The following HTT variants were observed in gnomAD, a reference collection of about 807,000 sequenced individuals.
HTT encodes huntingtin.
In HTT, 104 loss-of-function variants were observed where a neutral mutation model predicts 362.3. The ratio of observed to expected loss-of-function variants is 0.29; its 90% CI spans 0.24 to 0.34. The LOEUF (loss-of-function observed/expected upper bound fraction) is 0.34. Ranked by LOEUF, HTT falls within the 10% of genes least tolerant of loss-of-function variation. The pLI is 1.00. For synonymous variants in HTT, 1,577 were observed against 1,548.7 expected (o/e 1.02, Z -0.43); for missense variants, 3,301 against 3,928.6 (o/e 0.84, Z 4.27).
At chr4:3,075,206 G>A (rs1032623403) in intron 1 of HTT, 118 bp downstream of exon 1, 3 of 1,026,254 alleles carry the variant, frequency 2.9e-6, no homozygotes, top group Non-Finnish European at 3.7e-6. Context: ...CAGAGACAGA[G>A]TGACCCAGCA....
In HTT at chr4:3,242,303, C is replaced by T. The variant is rs1721839733; in HGVS notation, c.*2244C>T. On this transcript the variant is annotated 3_prime_UTR_variant, in exon 67 of 67. Transcript: ENST00000355072. ...AACACCCCGCTCTGGCAGTAGGTGT[C>T]CCCCACCCCCAAAGACCTGCCTGTG... is the stretch of plus-strand genomic sequence containing the variant. 1 of 152,208 alleles carries T rather than the reference C, an allele frequency of 6.6e-6. No homozygotes were observed. The highest frequency in any genetic ancestry group is 1.5e-5 in the Non-Finnish European group (1 of 68,048). 9.4% of individuals were successfully genotyped at this position (152,208 alleles called of 1,614,324 possible).
chr4:3,229,827 G>A (rs1202677998), intron 59 of HTT, 60 bp from the exon 60 acceptor site: 21 of 1,569,272 alleles, frequency 1.3e-5, no homozygotes, highest in South Asian at 7.8e-5. Flanking sequence ...TTCTGGATGC[G>A]TTGCCTGGAT....
intron 19 of HTT, 150 bp downstream of exon 19, chr4:3,134,690 G>T: frequency 3.1e-6 from 2 of 635,666 alleles, no homozygotes; most frequent in South Asian, 2.3e-5. Flanking sequence ...CCTCCCAGTG[G>T]CTTTTTGCTG....
chr4:3,220,213 G>A lies in HTT; in HGVS notation c.7274G>A (p.Gly2425Glu). 2 of 1,614,120 alleles carry A rather than the reference G, an allele frequency of 1.2e-6. No homozygotes were observed. The highest frequency in any genetic ancestry group is 1.7e-6 in the Non-Finnish European group (2 of 1,180,018). Reference protein sequence around the residue: ...VWKLGWSPKPGGDFGTAFPEI... With the variant: ...VWKLGWSPKPEGDFGTAFPEI... ...AAGCTTGGATGGTCACCCAAACCGG[G>A]AGGGGATTTTGGCACAGCATTCCCT... The change falls in exon 53 of 67, where the codon GGA becomes GAA. Residue 2425 changes from glycine to glutamate, a missense_variant. Gly to Glu is a moderately conservative substitution (Grantham distance 98, BLOSUM62 -2). Transcript: ENST00000355072.
rs550821802 is a variant in HTT at position 3,174,587 on chromosome 4, C to T, written c.4167-134C>T. On this transcript the variant is annotated intron_variant, in intron 31 of 66. Coordinates refer to ENST00000355072, the MANE Select transcript of HTT (RefSeq NM_001388492.1). ...GATGCTGCCACACTGAGTGGCCTTTCAAGTTGTTTCTCAATCTGACACGTT... is the reference window on the plus strand; with the variant it reads ...GATGCTGCCACACTGAGTGGCCTTTTAAGTTGTTTCTCAATCTGACACGTT... 3.2e-5 allele frequency: 21 copies of T among 658,008 alleles called. No individual in the cohort carries two copies. In the Admixed American group the frequency reaches 4.9e-4, roughly 15 times the overall value. The allele number at this position is 658,008 out of a possible 1,614,324, so 40.8% of individuals were successfully genotyped here.
intron 2 of HTT, among the ~76,000 whole-genome samples, chr4:3,098,476 A>G (rs1317283996): frequency 4.6e-5 from 7 of 152,184 alleles, no homozygotes; most frequent in Non-Finnish European, 7.3e-5. Flanking sequence ...TATTCTTGGG[A>G]TTACTTCAAG....
intron 8 of HTT, among the ~76,000 whole-genome samples, chr4:3,116,475 G>A (rs1354138386): frequency 6.6e-6 from 1 of 152,074 alleles, no homozygotes; most frequent in East Asian, 1.9e-4. Context: ...GCCTCCTCAG[G>A]TGCCGTGTTA....
Position 3,239,868 on chromosome 4 carries a change from A to G in HTT, c.9238A>G (p.Met3080Val). The change falls in exon 67 of 67, where the codon ATG becomes GTG. Residue 3080 changes from methionine to valine, a missense_variant. Physicochemically the swap from Met to Val is conservative, Grantham distance 21 (BLOSUM62 1). Around this residue, in one of 4 missense-constraint regions of HTT, gnomAD observed 753 missense variants for 1,021.3 expected, o/e 0.74. Transcript: ENST00000355072. ...CAGCCTCCCACATGTCATCAGCAGG[A>G]TGGGCAAGCTGGAGCAGGTGGACGT... ...AAILPHVISRMGKLEQVDVNL... is the reference protein window; with the variant it reads ...AAILPHVISRVGKLEQVDVNL... The G allele has an allele frequency of 1.9e-6, 3 of 1,561,332 alleles. No homozygotes were observed. Among genetic ancestry groups the G allele is most frequent in the South Asian group, 1.2e-5 (1 of 84,752 alleles).
At chr4:3,143,010 G>A (rs1176542929) in intron 23 of HTT, 124 bp downstream of exon 23, 1 of 648,166 alleles carries the variant, frequency 1.5e-6, no homozygotes. Context: ...TTATCCATGA[G>A]GCTTGCTAAG....
At chr4:3,080,982 A>G (rs1712868658) in intron 1 of HTT, among the ~76,000 whole-genome samples, 1 of 152,314 alleles carries the variant, frequency 6.6e-6, no homozygotes, top group African/African-American at 2.4e-5. Context: ...TACAGTCTTG[A>G]TTACTGAAGT....
At position 3,074,929 on chromosome 4, in the gene HTT, A is replaced by AACC; in HGVS notation, c.104_105insACC (p.Gln35_Gln36insPro). 7.1e-7 allele frequency: 1 copy of AACC among 1,418,312 alleles called. No individual in the cohort carries two copies. The highest frequency in any genetic ancestry group is 9.3e-7 in the Non-Finnish European group (1 of 1,069,702). The allele number at this position is 1,418,312 out of a possible 1,614,324, so 87.9% of individuals were successfully genotyped here. Reference sequence around the variant, plus strand: ...CAGCAGCAGCAGCAGCAGCAGCAGCAGCAGCAACAGCCGCCACCGCCGCCG... The same window carrying AACC: ...CAGCAGCAGCAGCAGCAGCAGCAGCAACCGCAGCAACAGCCGCCACCGCCGCCG... On this transcript the variant is annotated inframe_insertion, in exon 1 of 67. Transcript: ENST00000355072.
intron 6 of HTT, among the ~76,000 whole-genome samples, chr4:3,113,828 T>C (rs1471298082): frequency 2.0e-5 from 3 of 151,564 alleles, no homozygotes; most frequent in African/African-American, 7.3e-5. Context: ...AGAGAAGTCC[T>C]GTGGCTGGGT....
At chr4:3,081,134 A>G (rs61792472) in intron 1 of HTT, among the ~76,000 whole-genome samples, 8,554 of 152,244 alleles carry the variant, frequency 0.056, 294 homozygotes, top group African/African-American at 0.093. Flanking sequence ...GCCAAGTAGG[A>G]TTCTGAGAGG....
At chr4:3,168,329 C>G (rs555142025) in intron 29 of HTT, among the ~76,000 whole-genome samples, 2 of 152,322 alleles carry the variant, frequency 1.3e-5, no homozygotes, top group African/African-American at 4.8e-5. Flanking sequence ...GTGTTGAGGT[C>G]TGAGCACAAG....
At chr4:3,126,754 A>C (rs752269272) in intron 11 of HTT, among the ~76,000 whole-genome samples, 10 of 152,212 alleles carry the variant, frequency 6.6e-5, no homozygotes, top group Non-Finnish European at 1.2e-4. Context: ...TAGAAAGTCA[A>C]CTAGGAAAAT....
chr4:3,076,507 C>G lies in HTT; in HGVS notation c.263+1419C>G, dbSNP rs1192302141. On this transcript the variant is annotated intron_variant, in intron 1 of 66. Transcript: ENST00000355072. ...GAATAAAATTTAGGAATAAATTATT[C>G]TAAAGGATGGAAAAACTTTTTGGAT... is the stretch of plus-strand genomic sequence containing the variant. Among the ~76,000 whole-genome samples the G allele has an allele frequency of 2.6e-5, 4 of 152,192 alleles. No individual in the cohort carries two copies. The East Asian group carries it at 7.7e-4, about 29-fold the overall frequency.
intron 18 of HTT, 103 bp from the exon 19 acceptor site, chr4:3,134,298 C>G: frequency 1.0e-6 from 1 of 999,996 alleles, no homozygotes; most frequent in Non-Finnish European, 1.5e-6. Flanking sequence ...GCAGTTAAAC[C>G]CAGAACATTG....
In HTT at chr4:3,105,499, C is replaced by G. The variant is rs557649914; in HGVS notation, c.608+63C>G. The G allele has an allele frequency of 2.3e-5, 25 of 1,082,980 alleles. No individual in the cohort carries two copies. In the African/African-American group the frequency reaches 3.6e-4, roughly 15 times the overall value. The allele number at this position is 1,082,980 out of a possible 1,614,324, so 67.1% of individuals were successfully genotyped here. A position where few individuals can be genotyped will look rare whatever the true frequency, so the allele number is the denominator to read the frequency against. ...GCCAGCTGCTACTGATCCTTTATGTCTCAGCTCAGATGTCATTTCAAAAGT... is the reference window on the plus strand; with the variant it reads ...GCCAGCTGCTACTGATCCTTTATGTGTCAGCTCAGATGTCATTTCAAAAGT... On this transcript the variant is annotated intron_variant, in intron 5 of 66. Coordinates refer to ENST00000355072, the MANE Select transcript of HTT (RefSeq NM_001388492.1).
intron 29 of HTT, among the ~76,000 whole-genome samples, chr4:3,162,452 C>T (rs1292813354): frequency 6.6e-6 from 1 of 152,124 alleles, no homozygotes; most frequent in African/African-American, 2.4e-5. Flanking sequence ...TTTTCCAATT[C>T]TGTGAAGAAA....
Sources: allele counts gnomAD v4.1 joint callset (sites outside exome capture counted in the v4.1 genomes callset), GRCh38; gene constraint gnomAD v4.1.1; regional missense constraint gnomAD v4.1.1; transcripts MANE v1.5; gene names NCBI Gene and HGNC (gene_info 2026-07-23, HGNC 2026-07-21).